The following STX16 variants were observed in gnomAD, a reference collection of about 807,000 sequenced individuals.
STX16 encodes the protein syntaxin-16.
In STX16, 28 loss-of-function variants were observed where a neutral mutation model predicts 42.7. The observed-to-expected ratio is 0.66, with a 90% CI of 0.49 to 0.90. The LOEUF is 0.90. STX16 is among the 40% of genes least tolerant of loss of function. STX16 has a pLI of 0.00. For missense variants in STX16, 361 were observed against 420.9 expected, an observed-to-expected ratio of 0.86 and a Z score of 1.24; for synonymous variants, 156 against 155.2, an observed-to-expected ratio of 1.00 and a Z score of -0.04.
intron 2 of STX16, among the ~76,000 whole-genome samples, chr20:58,659,897 G>A (rs1322676487): frequency 1.3e-5 from 2 of 152,216 alleles, no homozygotes; most frequent in Non-Finnish European, 2.9e-5. Context: ...AGCAGTAAAG[G>A]TTGAACACTT....
intron 2 of STX16, among the ~76,000 whole-genome samples, chr20:58,661,122 G>C (rs1161811639): frequency 3.3e-5 from 5 of 152,102 alleles, no homozygotes; most frequent in Non-Finnish European, 7.4e-5. Context: ...GTTGCTACTG[G>C]CTGAACAGTT....
Position 58,676,241 on chromosome 20 carries a change from G to C in STX16, c.928G>C (p.Val310Leu). The C allele has an allele frequency of 6.2e-7, 1 of 1,614,194 alleles. No homozygotes were observed. The highest frequency in any genetic ancestry group is 1.7e-5 in the Admixed American group (1 of 60,030). The stretch of plus-strand genomic sequence containing the variant: ...GATGCTTGTGATTTTAATATTATTT[G>C]TCATCATCATTGTGCTCATTGTTGT... ...RKMLVILILF[V>L]IIIVLIVVLV... Residue 310 changes from valine to leucine, a missense_variant, in exon 9 of 9, where the codon GTC becomes CTC. Physicochemically the swap from Val to Leu is conservative, Grantham distance 32 (BLOSUM62 1). Coordinates refer to ENST00000371141, the MANE Select transcript of STX16 (RefSeq NM_001001433.3).
At chr20:58,667,762 C>T (rs2083871098) in intron 3 of STX16, among the ~76,000 whole-genome samples, 165 bp downstream of exon 3, 1 of 152,186 alleles carries the variant, frequency 6.6e-6, no homozygotes, top group Non-Finnish European at 1.5e-5. Context: ...ATGATTTTAG[C>T]TGTAGTTTTA....
chr20:58,652,291 C>T (rs2083477398), intron 1 of STX16, 153 bp downstream of exon 1: 1 of 1,123,098 alleles, frequency 8.9e-7, no homozygotes, highest in Non-Finnish European at 1.3e-6. Flanking sequence ...CAGGGGGCAT[C>T]TGTAGCCCTG....
In STX16 at chr20:58,665,573, C is replaced by G. The variant is rs550630475; in HGVS notation, c.145-1917C>G. 7.9e-5 allele frequency among the ~76,000 whole-genome samples: 12 copies of G among 152,160 alleles called. No homozygotes were observed. The South Asian group carries it at 2.5e-3, about 32-fold the overall frequency. ...GTTAGAATAATAGTTTCTAACTCACCTAGTTTTTATGAGGATTAAAATAAT... is the reference window on the plus strand; with the variant it reads ...GTTAGAATAATAGTTTCTAACTCACGTAGTTTTTATGAGGATTAAAATAAT... On this transcript the variant is annotated intron_variant, in intron 2 of 8. Coordinates refer to ENST00000371141, the MANE Select transcript of STX16 (RefSeq NM_001001433.3).
intron 7 of STX16, 77 bp downstream of exon 7, chr20:58,671,374 A>G (rs2083964402): frequency 2.0e-6 from 3 of 1,476,720 alleles, no homozygotes; most frequent in African/African-American, 2.8e-5. Context: ...TACTCCTTTC[A>G]GGGAAAAAAA....
intron 2 of STX16, among the ~76,000 whole-genome samples, chr20:58,661,491 G>A (rs6100153): frequency 1.6e-4 from 24 of 152,384 alleles, no homozygotes; most frequent in Admixed American, 1.5e-3. Flanking sequence ...TAGAAATGCA[G>A]GTTGCTGCCT....
At chr20:58,668,423 T>C (rs998471703) in intron 4 of STX16, among the ~76,000 whole-genome samples, 12 of 152,262 alleles carry the variant, frequency 7.9e-5, no homozygotes, top group Admixed American at 3.9e-4. Flanking sequence ...ATAACTAATA[T>C]CGTATACTAG....
rs1480111492 is a variant in STX16, at chr20:58,651,836, C to T, written c.-171C>T. 7 of 653,808 alleles carry T rather than the reference C, an allele frequency of 1.1e-5. No individual in the cohort carries two copies. The highest frequency in any genetic ancestry group is 1.6e-5 in the Non-Finnish European group (6 of 380,308). 40.5% of individuals were successfully genotyped at this position (653,808 alleles called of 1,614,324 possible). A position where few individuals can be genotyped will look rare whatever the true frequency, so the allele number is the denominator to read the frequency against. On this transcript the variant is annotated 5_prime_UTR_variant, in exon 1 of 9. Transcript: ENST00000371141. ...CCTAGGTAGTTATTTGGGGAGGGGT[C>T]TCTACGCCTTGGCGAAGCGCACAGC...
At chr20:58,663,260 C>T (rs2083743165) in intron 2 of STX16, among the ~76,000 whole-genome samples, 1 of 152,178 alleles carries the variant, frequency 6.6e-6, no homozygotes, top group African/African-American at 2.4e-5. Flanking sequence ...TCTTAGTCTA[C>T]ACTAAATCAG....
chr20:58,667,649 AAT>A (rs1568823073), intron 3 of STX16, 52 bp downstream of exon 3: 2 of 1,478,854 alleles, frequency 1.4e-6, no homozygotes, highest in Non-Finnish European at 1.9e-6. Context: ...TAATTATGAC[AAT>A]GTATTTTAAG....
chr20:58,651,865 A>G lies in STX16; in HGVS notation c.-142A>G. The G allele has an allele frequency of 1.2e-6, 1 of 827,722 alleles. No individual in the cohort carries two copies. Among genetic ancestry groups the G allele is most frequent in the Middle Eastern group, 3.3e-4 (1 of 3,038 alleles). 51.3% of individuals were successfully genotyped at this position (827,722 alleles called of 1,614,324 possible). A position where few individuals can be genotyped will look rare whatever the true frequency, so the allele number is the denominator to read the frequency against. On this transcript the variant is annotated 5_prime_UTR_variant, in exon 1 of 9. Transcript: ENST00000371141. ...ACGCCTTGGCGAAGCGCACAGCTGC[A>G]TCTTTTTGGCTTGAGGCCTGAGGCC... is the stretch of plus-strand genomic sequence containing the variant.
chr20:58,655,809 A>C (rs1319455842), intron 1 of STX16, among the ~76,000 whole-genome samples: 5 of 152,102 alleles, frequency 3.3e-5, no homozygotes, highest in Non-Finnish European at 7.4e-5. Flanking sequence ...AATGATGTTT[A>C]GTTTTTCTGT....
chr20:58,668,041 C>T lies in STX16; in HGVS notation c.307C>T (p.His103Tyr). The T allele has an allele frequency of 6.2e-7, 1 of 1,614,230 alleles. No individual in the cohort carries two copies. Among genetic ancestry groups the T allele is most frequent in the Non-Finnish European group, 8.5e-7 (1 of 1,180,048 alleles). The change falls in exon 4 of 9, where the codon CAT becomes TAT. Residue 103 changes from histidine (H) to tyrosine (Y), a missense_variant. Physicochemically the swap from His to Tyr is moderately conservative, Grantham distance 83. Transcript: ENST00000371141. Reference protein sequence around the residue: ...KQKMKELASLHDKHLNRPTLD... With the variant: ...KQKMKELASLYDKHLNRPTLD... ...GAAGATGAAAGAATTGGCCAGCCTTCATGACAAGCATTTAAACAGACCCAC... is the reference window on the plus strand; with the variant it reads ...GAAGATGAAAGAATTGGCCAGCCTTTATGACAAGCATTTAAACAGACCCAC...
chr20:58,669,408 G>T lies in STX16; in HGVS notation c.511G>T (p.Glu171Ter). ...VVASLAQALQ[E>*]LSTSFRHAQS... ...GGCCTCGCTGGCGCAGGCCCTGCAG[G>T]AACTCTCCACCAGCTTCCGGCACGC... Residue 171 changes from glutamate to a stop codon, truncating the protein, a stop_gained, in exon 5 of 9, where the codon GAA becomes TAA. Coordinates refer to ENST00000371141, the MANE Select transcript of STX16 (RefSeq NM_001001433.3). LOFTEE classifies it high-confidence loss of function. 1.2e-6 allele frequency: 2 copies of T among 1,612,296 alleles called. No individual in the cohort carries two copies. Among genetic ancestry groups the T allele is most frequent in the Non-Finnish European group, 1.7e-6 (2 of 1,179,520 alleles).
At chr20:58,661,103 A>T (rs1407133206) in intron 2 of STX16, among the ~76,000 whole-genome samples, 1 of 152,124 alleles carries the variant, frequency 6.6e-6, no homozygotes, top group African/African-American at 2.4e-5. Context: ...GTTCTGAGTT[A>T]AAATAGATGT....
At chr20:58,666,747 A>G (rs1423907487) in intron 2 of STX16, among the ~76,000 whole-genome samples, 1 of 152,168 alleles carries the variant, frequency 6.6e-6, no homozygotes, top group African/African-American at 2.4e-5. Flanking sequence ...TCCCATTCTT[A>G]AAAGCTTTCT....
At chr20:58,668,858 A>G (rs1034699409) in intron 4 of STX16, among the ~76,000 whole-genome samples, 1 of 152,186 alleles carries the variant, frequency 6.6e-6, no homozygotes, top group Non-Finnish European at 1.5e-5. Flanking sequence ...AAATGCTCCA[A>G]AATTTGAAAC....
rs1470270307 is a variant in STX16 at position 58,677,613 on chromosome 20, G to T, written c.*1322G>T. The T allele has an allele frequency of 6.6e-6, 1 of 152,172 alleles. No homozygotes were observed. The highest frequency in any genetic ancestry group is 1.5e-5 in the Non-Finnish European group (1 of 68,034). 9.4% of individuals were successfully genotyped at this position (152,172 alleles called of 1,614,324 possible). ...AATTGACACTAGTAGAGTTTTAATG[G>T]TCTTTGTGTAAATTTTAATGGCTTT... On this transcript the variant is annotated 3_prime_UTR_variant, in exon 9 of 9. Coordinates refer to ENST00000371141, the MANE Select transcript of STX16 (RefSeq NM_001001433.3).
Sources: gnomAD v4.1 joint callset for allele counts (sites outside exome capture counted in the v4.1 genomes callset) on GRCh38, gnomAD v4.1.1 for gene constraint, MANE v1.5 for transcripts, NCBI Gene and HGNC (gene_info 2026-07-23, HGNC 2026-07-21) for gene names.